IL31RA: variants seen among roughly 807,000 people sequenced by gnomAD.
IL31RA encodes interleukin 31 receptor A.
Under a neutral mutation model 83.7 loss-of-function variants are expected in IL31RA, and 66 were observed. The observed-to-expected ratio is 0.79, with a 90% confidence interval of 0.65 to 0.97. The LOEUF (loss-of-function observed/expected upper bound fraction) is 0.97, where lower values mean the gene tolerates loss of function less well. IL31RA is among the 50% of genes least tolerant of loss of function. The pLI is 0.00. For missense variants in IL31RA, 798 were observed against 919.4 expected (o/e 0.87, Z 1.71); for synonymous variants, 325 against 329.0 (o/e 0.99, Z 0.13).
At chr5:55,913,090 T>C (rs1453651797) in intron 12 of IL31RA, among the ~76,000 whole-genome samples, 3 of 93,238 alleles carry the variant, frequency 3.2e-5, no homozygotes, top group Admixed American at 1.4e-4. Context: ...TTTTTGTTTT[T>C]GTTTTTGTTT....
At chr5:55,844,509 C>T in the IL31RA span, among the ~76,000 whole-genome samples, 1 of 152,032 alleles carries the variant, frequency 6.6e-6, no homozygotes, top group Non-Finnish European at 1.5e-5. Flanking sequence ...AACAATGTAT[C>T]TGATTAATAT....
chr5:55,888,176 C>T (rs757342836), intron 5 of IL31RA, among the ~76,000 whole-genome samples: 39 of 152,266 alleles, frequency 2.6e-4, no homozygotes, highest in Middle Eastern at 3.4e-3. Flanking sequence ...TAACAGTGAA[C>T]ATGATGAAGC....
intron 3 of IL31RA, among the ~76,000 whole-genome samples, chr5:55,870,537 T>C (rs1746448423): frequency 6.6e-6 from 1 of 152,160 alleles, no homozygotes; most frequent in South Asian, 2.1e-4. Context: ...TTCTGTCTTA[T>C]AGAGACATTT....
the IL31RA span, among the ~76,000 whole-genome samples, chr5:55,840,857 G>T: frequency 6.6e-6 from 1 of 152,118 alleles, no homozygotes; most frequent in South Asian, 2.1e-4. Context: ...TTGCTGTAAT[G>T]ATGGCCCATT....
chr5:55,871,976 A>G (rs113673920), intron 3 of IL31RA, among the ~76,000 whole-genome samples: 57 of 152,226 alleles, frequency 3.7e-4, no homozygotes, highest in African/African-American at 1.3e-3. Flanking sequence ...TTGCAACTAT[A>G]GCTTTTCATG....
chr5:55,853,444 G>A, intron 1 of IL31RA: 5 of 1,537,120 alleles, frequency 3.3e-6, no homozygotes, highest in Non-Finnish European at 4.4e-6. Context: ...ACATCTTAGT[G>A]TGGATAAATT....
Position 55,899,941 on chromosome 5 carries a change from A to C in IL31RA, c.878A>C (p.Glu293Ala). 6.2e-7 allele frequency: 1 copy of C among 1,614,210 alleles called. No individual in the cohort carries two copies. Among genetic ancestry groups the C allele is most frequent in the East Asian group, 2.2e-5 (1 of 44,888 alleles). ...WKKARGAPVLEKTLGYNIWYY... is the reference protein window; with the variant it reads ...WKKARGAPVLAKTLGYNIWYY... ...AAGGCAAGAGGAGCCCCAGTCCTAG[A>C]GAAAACACTTGGCTACAACATATGG... Residue 293 changes from glutamate to alanine, a missense_variant, in exon 8 of 15, where the codon GAG becomes GCG. Glu to Ala is a moderately radical substitution (Grantham distance 107, BLOSUM62 -1). Transcript: ENST00000652347.
intron 1 of IL31RA, among the ~76,000 whole-genome samples, chr5:55,859,201 G>A (rs549371391): frequency 2.0e-5 from 3 of 152,360 alleles, no homozygotes; most frequent in Non-Finnish European, 2.9e-5. Flanking sequence ...AAGGGCCAGA[G>A]GATGGCCTCA....
chr5:55,912,070 C>G (rs1342526792), intron 12 of IL31RA, among the ~76,000 whole-genome samples: 1 of 152,094 alleles, frequency 6.6e-6, no homozygotes, highest in Non-Finnish European at 1.5e-5. Flanking sequence ...ATTTCATCAG[C>G]TCAAGGAGTT....
At chr5:55,882,917 A>C in intron 4 of IL31RA, 127 bp from the exon 5 acceptor site, 1 of 851,274 alleles carries the variant, frequency 1.2e-6, no homozygotes, top group East Asian at 2.5e-5. Context: ...ACTGCCTTGC[A>C]AATGCCATCT....
At chr5:55,885,670 G>A (rs1747553237) in intron 5 of IL31RA, among the ~76,000 whole-genome samples, 1 of 152,138 alleles carries the variant, frequency 6.6e-6, no homozygotes, top group African/African-American at 2.4e-5. Context: ...AGATTCTCTG[G>A]GAACCCCCCT....
rs773421041 is a variant in IL31RA at position 55,859,512 on chromosome 5, T to C, written c.67T>C (p.Ser23Pro). ...TCTTGACTGATGTCATTTTCAGCTC[T>C]CTCCCCAGCCTTCATGTGTTAACCT... ...CVCECPQNILSPQPSCVNLGM... is the reference protein window; with the variant it reads ...CVCECPQNILPPQPSCVNLGM... The change falls in exon 2 of 15, where the codon TCT becomes CCT. Residue 23 changes from serine (S) to proline (P), a missense_variant. Coordinates refer to ENST00000652347, the MANE Select transcript of IL31RA (RefSeq NM_139017.7). 2.5e-6 allele frequency: 4 copies of C among 1,613,220 alleles called. No individual in the cohort carries two copies. Among genetic ancestry groups the C allele is most frequent in the South Asian group, 1.1e-5 (1 of 91,060 alleles).
At chr5:55,845,851 A>G in the IL31RA span, among the ~76,000 whole-genome samples, 1 of 152,218 alleles carries the variant, frequency 6.6e-6, no homozygotes, top group African/African-American at 2.4e-5. Flanking sequence ...ATGCTCTAGT[A>G]TATTTCAAAA....
chr5:55,898,441 C>G (rs1442232126), intron 7 of IL31RA, among the ~76,000 whole-genome samples: 1 of 151,158 alleles, frequency 6.6e-6, no homozygotes, highest in Admixed American at 6.6e-5. Context: ...ACTGAACATA[C>G]TATTAATAAA....
chr5:55,894,841 C>T (rs549299589), intron 6 of IL31RA, among the ~76,000 whole-genome samples: 105 of 152,268 alleles, frequency 6.9e-4, no homozygotes, highest in African/African-American at 1.9e-3. Context: ...CTCAGCCTCC[C>T]GTGTAGCTGG....
At chr5:55,912,546 C>T (rs1371689372) in intron 12 of IL31RA, among the ~76,000 whole-genome samples, 5 of 152,224 alleles carry the variant, frequency 3.3e-5, no homozygotes, top group South Asian at 2.1e-4. Context: ...CCTGTAACTC[C>T]AGCACTTTGG....
chr5:55,845,987 C>T, the IL31RA span, among the ~76,000 whole-genome samples: 9 of 152,290 alleles, frequency 5.9e-5, no homozygotes, highest in Non-Finnish European at 1.0e-4. Flanking sequence ...CTTTATGACT[C>T]GGGCTCCCTG....
At chr5:55,911,354 G>A (rs1749491374) in intron 12 of IL31RA, among the ~76,000 whole-genome samples, 1 of 152,054 alleles carries the variant, frequency 6.6e-6, no homozygotes, top group Admixed American at 6.6e-5. Context: ...AGGAATTATG[G>A]GAGCTACAAT....
intron 4 of IL31RA, among the ~76,000 whole-genome samples, chr5:55,879,431 T>TTTTTTTTTTTTTTTTTTTC: frequency 8.8e-6 from 1 of 113,352 alleles, no homozygotes. Context: ...TGTCCTTTTT[T>TTTTTTTTTTTTTTTTTTTC]TTTTTTTTTT....
Sources: allele counts gnomAD v4.1 joint callset (sites outside exome capture counted in the v4.1 genomes callset), GRCh38; gene constraint gnomAD v4.1.1; transcripts MANE v1.5; gene names NCBI Gene and HGNC (gene_info 2026-07-23, HGNC 2026-07-21).